MSR1: variants seen among roughly 807,000 people sequenced by gnomAD.
The protein encoded by MSR1 is macrophage scavenger receptor types I and II.
In MSR1, 53 loss-of-function variants were observed where a neutral mutation model predicts 47.2. That is an observed-to-expected ratio of 1.12 (90% CI 0.90 to 1.41). MSR1 has a LOEUF of 1.41. Ranked by LOEUF, MSR1 falls within the 40% of genes most tolerant of loss-of-function variation. The probability of loss-of-function intolerance (pLI) is 0.00; values close to 1 mark genes in which losing one functional copy is unlikely to be tolerated. For missense variants in MSR1, 786 were observed against 546.9 expected (o/e 1.44, Z -4.36); for synonymous variants, 239 against 185.6 (o/e 1.29, Z -2.34).
In MSR1 at chr8:16,145,769, G is replaced by A. The variant is rs148130012; in HGVS notation, c.980-2158C>T. Reference sequence around the variant, plus strand: ...AACATGATTCAGAGATTTGCTTACCGATGATACTTGAAAATCTTTTCTCAC... The same window carrying A: ...AACATGATTCAGAGATTTGCTTACCAATGATACTTGAAAATCTTTTCTCAC... On this transcript the variant is annotated intron_variant, in intron 7 of 9. Coordinates refer to ENST00000262101, the MANE Select transcript of MSR1 (RefSeq NM_138715.3). Among the ~76,000 whole-genome samples the A allele has an allele frequency of 7.9e-5, 12 of 152,116 alleles. No homozygotes were observed. The East Asian group carries it at 1.2e-3, about 15-fold the overall frequency.
chr8:16,192,493 A>T (rs560599839), intron 1 of MSR1, 105 bp downstream of exon 1: 1 of 151,772 alleles, frequency 6.6e-6, no homozygotes, highest in Non-Finnish European at 1.5e-5. Context: ...ACACACAAAT[A>T]TATATCACAC....
chr8:16,174,985 T>G (rs1801598343), intron 3 of MSR1, among the ~76,000 whole-genome samples: 1 of 152,198 alleles, frequency 6.6e-6, no homozygotes, highest in Non-Finnish European at 1.5e-5. Flanking sequence ...TCTATTTTGT[T>G]TTTTCTAATT....
At chr8:16,160,240 C>T (rs2219880) in intron 5 of MSR1, among the ~76,000 whole-genome samples, 11,544 of 151,748 alleles carry the variant, frequency 0.076, 608 homozygotes, top group Admixed American at 0.18. Context: ...ATAATTTATA[C>T]GAGGATATAA....
At chr8:16,140,566 T>C (rs1490223302) in intron 8 of MSR1, 16 of 1,043,474 alleles carry the variant, frequency 1.5e-5, no homozygotes, top group Middle Eastern at 4.5e-4. Flanking sequence ...AGTGTTATAT[T>C]GTATGGTAGG....
At chr8:16,157,726 G>C (rs1801050167) in intron 5 of MSR1, among the ~76,000 whole-genome samples, 1 of 151,764 alleles carries the variant, frequency 6.6e-6, no homozygotes, top group Admixed American at 6.6e-5. Context: ...CCACTACCTT[G>C]CCACCTTCCA....
At chr8:16,150,189 C>A in intron 7 of MSR1, 42 bp downstream of exon 7, 1 of 670,474 alleles carries the variant, frequency 1.5e-6, no homozygotes. Context: ...TCTGGTGTTT[C>A]TTCTACATAT....
chr8:16,184,617 T>A (rs934373692), intron 1 of MSR1, among the ~76,000 whole-genome samples: 21 of 152,154 alleles, frequency 1.4e-4, no homozygotes, highest in African/African-American at 4.6e-4. Context: ...ACCCAAAATA[T>A]AACATTGAAT....
At chr8:16,163,102 A>T (rs544339986) in intron 5 of MSR1, among the ~76,000 whole-genome samples, 1 of 152,134 alleles carries the variant, frequency 6.6e-6, no homozygotes, top group South Asian at 2.1e-4. Context: ...AACAATCAAT[A>T]AGAAATAGAA....
In MSR1 at chr8:16,155,219, T is replaced by C. The variant is rs1800972624; in HGVS notation, c.818-75A>G. The stretch of plus-strand genomic sequence containing the variant: ...TGGGTTAGTCATCTGTCAAGGTACT[T>C]ATATAAGGAAATCCAAAGTCTTCTA... On this transcript the variant is annotated intron_variant, in intron 5 of 9. Coordinates refer to ENST00000262101, the MANE Select transcript of MSR1 (RefSeq NM_138715.3). 8 of 1,062,102 alleles carry C rather than the reference T, an allele frequency of 7.5e-6. No individual in the cohort carries two copies. The South Asian group carries it at 1.1e-4, about 14-fold the overall frequency. The allele number at this position is 1,062,102 out of a possible 1,614,324, so 65.8% of individuals were successfully genotyped here.
chr8:16,135,247 C>T (rs1372085984), intron 8 of MSR1, among the ~76,000 whole-genome samples: 2 of 152,094 alleles, frequency 1.3e-5, no homozygotes, highest in African/African-American at 4.8e-5. Context: ...GAAGTATAGG[C>T]TAATTCCCTT....
Position 16,119,143 on chromosome 8 carries a change from C to T in MSR1, c.1222+1275G>A, listed in dbSNP as rs187995275. On this transcript the variant is annotated intron_variant, in intron 9 of 9. Coordinates refer to ENST00000262101, the MANE Select transcript of MSR1 (RefSeq NM_138715.3). Reference sequence around the variant, plus strand: ...ACCAGTCTATTTTCTGACATCTCCTCTCTTCATGAAATTAAATTATCCTTC... The same window carrying T: ...ACCAGTCTATTTTCTGACATCTCCTTTCTTCATGAAATTAAATTATCCTTC... Among the ~76,000 whole-genome samples, 16 of 152,288 alleles carry T rather than the reference C, an allele frequency of 1.1e-4. 1 individual carries two copies. The highest frequency in any genetic ancestry group is 3.8e-4 in the African/African-American group (16 of 41,576).
At chr8:16,143,831 T>A (rs577589860) in intron 7 of MSR1, among the ~76,000 whole-genome samples, 1 of 152,096 alleles carries the variant, frequency 6.6e-6, no homozygotes, top group Non-Finnish European at 1.5e-5. Flanking sequence ...TACAAGGCCC[T>A]AAATGCCCCA....
At position 16,164,051 on chromosome 8, in the gene MSR1, A is replaced by G. The variant is rs1232775552; in HGVS notation, c.817+14T>C. ...ATATATATCATTTTCTGGAGAAATG[A>G]CAAGACATTTTACCTTGAATTAAAG... On this transcript the variant is annotated intron_variant, in intron 5 of 9. Coordinates refer to ENST00000262101, the MANE Select transcript of MSR1 (RefSeq NM_138715.3). The G allele has an allele frequency of 1.9e-6, 3 of 1,592,304 alleles. No individual in the cohort carries two copies. The highest frequency in any genetic ancestry group is 1.7e-5 in the Admixed American group (1 of 59,396).
At position 16,109,850 on chromosome 8, in the gene MSR1, A is replaced by G; in HGVS notation, c.*235T>C. 1.8e-6 allele frequency: 1 copy of G among 547,702 alleles called. No individual in the cohort carries two copies. 33.9% of individuals were successfully genotyped at this position (547,702 alleles called of 1,614,324 possible). A position where few individuals can be genotyped will look rare whatever the true frequency, so the allele number is the denominator to read the frequency against. On this transcript the variant is annotated 3_prime_UTR_variant, in exon 10 of 10. Coordinates refer to ENST00000262101, the MANE Select transcript of MSR1 (RefSeq NM_138715.3). ...AACTTCAAAATGTTCAATTCAGCAT[A>G]TAAGTCATTATATTAGAAAATTCCA...
chr8:16,182,314 C>G (rs982763811), intron 1 of MSR1, among the ~76,000 whole-genome samples: 1 of 152,082 alleles, frequency 6.6e-6, no homozygotes, highest in East Asian at 1.9e-4. Flanking sequence ...AGTGAGTGAG[C>G]GGTGAGTGAA....
At chr8:16,174,729 T>C (rs1020702202) in intron 3 of MSR1, among the ~76,000 whole-genome samples, 7 of 152,124 alleles carry the variant, frequency 4.6e-5, no homozygotes, top group Non-Finnish European at 1.0e-4. Context: ...ACAGAAATAT[T>C]TTTTCTGCTC....
chr8:16,175,217 C>T lies in MSR1; in HGVS notation c.187G>A (p.Val63Ile). The T allele has an allele frequency of 6.2e-7, 1 of 1,614,010 alleles. No homozygotes were observed. The highest frequency in any genetic ancestry group is 2.2e-5 in the East Asian group (1 of 44,852). ...LIALYLLVFA[V>I]LIPLIGIVAA... is the part of the protein sequence containing the mutation. ...ACTATTCCAATGAGAGGGATGAGAACTGCAAACACGAGGAGGTAAAGGGCA... is the reference window on the plus strand; with the variant it reads ...ACTATTCCAATGAGAGGGATGAGAATTGCAAACACGAGGAGGTAAAGGGCA... The change falls in exon 3 of 10, where the codon GTT (valine) becomes ATT (isoleucine). Residue 63 changes from valine (V) to isoleucine (I), a missense_variant. Transcript: ENST00000262101.
intron 1 of MSR1, among the ~76,000 whole-genome samples, chr8:16,179,000 A>C (rs978167912): frequency 1.3e-5 from 2 of 152,222 alleles, no homozygotes; most frequent in Admixed American, 1.3e-4. Context: ...AAACTTACCC[A>C]TAAGTTTTAA....
At chr8:16,135,904 G>T (rs145731498) in intron 8 of MSR1, among the ~76,000 whole-genome samples, 6 of 152,224 alleles carry the variant, frequency 3.9e-5, no homozygotes, top group African/African-American at 1.2e-4. Context: ...TGGAGAACTA[G>T]AATTAGAAGT....
Sources: allele counts gnomAD v4.1 joint callset (sites outside exome capture counted in the v4.1 genomes callset), GRCh38; gene constraint gnomAD v4.1.1; transcripts MANE v1.5; gene names NCBI Gene and HGNC (gene_info 2026-07-23, HGNC 2026-07-21).